The following HECW1 variants were observed in gnomAD, a reference collection of about 807,000 sequenced individuals.
HECW1 encodes the protein E3 ubiquitin-protein ligase HECW1.
In HECW1, 61 loss-of-function variants were observed where a neutral mutation model predicts 182.3. The ratio of observed to expected loss-of-function variants is 0.33; its 90% CI spans 0.27 to 0.41. HECW1 has a LOEUF of 0.41. Among genes scored for constraint, HECW1 ranks in the 10% least tolerant of loss-of-function variants. HECW1 has a pLI of 1.00. For synonymous variants in HECW1, 859 were observed against 832.6 expected (o/e 1.03, Z -0.55); for missense variants, 1,739 against 2,108.9 (o/e 0.82, Z 3.44).
chr7:43,127,915 G>C (rs1186497571), intron 2 of HECW1, among the ~76,000 whole-genome samples: 1 of 151,062 alleles, frequency 6.6e-6, no homozygotes, highest in Non-Finnish European at 1.5e-5. Context: ...GTCTTGCTCT[G>C]TCACTCAGAC....
intron 3 of HECW1, among the ~76,000 whole-genome samples, chr7:43,301,028 A>G (rs1013957525): frequency 3.9e-5 from 6 of 152,166 alleles, no homozygotes; most frequent in African/African-American, 1.2e-4. Context: ...TGGGCTCCCC[A>G]AGACACAGCA....
chr7:43,295,036 AAC>A (rs1805867081), intron 3 of HECW1, among the ~76,000 whole-genome samples: 1 of 152,186 alleles, frequency 6.6e-6, no homozygotes, highest in Non-Finnish European at 1.5e-5. Flanking sequence ...ATAAGAAAAA[AAC>A]AGTTACATTC....
At chr7:43,423,280 A>G (rs1168306070) in intron 8 of HECW1, among the ~76,000 whole-genome samples, 1 of 152,212 alleles carries the variant, frequency 6.6e-6, no homozygotes, top group African/African-American at 2.4e-5. Context: ...ATAGACAACC[A>G]TCATCTAAGT....
chr7:43,305,887 A>C (rs1323086958), intron 3 of HECW1, among the ~76,000 whole-genome samples: 1 of 152,044 alleles, frequency 6.6e-6, no homozygotes, highest in Non-Finnish European at 1.5e-5. Context: ...CAGCCTCCCA[A>C]GTAGCTGGGA....
chr7:43,558,121 A>G (rs2082091971), intron 29 of HECW1, among the ~76,000 whole-genome samples: 1 of 152,172 alleles, frequency 6.6e-6, no homozygotes, highest in Admixed American at 6.5e-5. Flanking sequence ...GCATCTGGAA[A>G]GAGCTTAAGG....
chr7:43,543,781 CAAAAAAA>C (rs35618213), intron 26 of HECW1, among the ~76,000 whole-genome samples: 4 of 49,606 alleles, frequency 8.1e-5, no homozygotes, highest in Non-Finnish European at 1.8e-4. Context: ...CTCCATCTCA[CAAAAAAA>C]AAAAAAAAAA....
At chr7:43,345,310 T>C (rs1584559070) in intron 5 of HECW1, among the ~76,000 whole-genome samples, 1 of 152,228 alleles carries the variant, frequency 6.6e-6, no homozygotes, top group South Asian at 2.1e-4. Context: ...AGCAGGGACA[T>C]GGAGGCACTC....
intron 3 of HECW1, among the ~76,000 whole-genome samples, chr7:43,244,264 A>T (rs1483776635): frequency 6.6e-6 from 1 of 152,214 alleles, no homozygotes; most frequent in Non-Finnish European, 1.5e-5. Context: ...TCCGCTGTCT[A>T]TGGGTAATTG....
At chr7:43,555,187 A>G (rs2081977913) in intron 29 of HECW1, among the ~76,000 whole-genome samples, 1 of 152,200 alleles carries the variant, frequency 6.6e-6, no homozygotes, top group Non-Finnish European at 1.5e-5. Flanking sequence ...ATCACTTGAT[A>G]CTTCATAGGA....
chr7:43,460,425 T>C (rs1182294988), intron 13 of HECW1, among the ~76,000 whole-genome samples: 1 of 152,164 alleles, frequency 6.6e-6, no homozygotes, highest in Non-Finnish European at 1.5e-5. Context: ...ATGTGAATTG[T>C]CTGTTCTTGG....
In HECW1 at chr7:43,300,574, G is replaced by A. The variant is rs185563560; in HGVS notation, c.28-11189G>A. Among the ~76,000 whole-genome samples the A allele has an allele frequency of 2.0e-3, 308 of 152,224 alleles. 3 individuals carry two copies. Among genetic ancestry groups the A allele is most frequent in the African/African-American group, 6.8e-3 (284 of 41,536 alleles). ...GAGAGATGACTTTATATTGCTAACGGCCATGCCTGCTTCACTCTTCATCAT... is the reference window on the plus strand; with the variant it reads ...GAGAGATGACTTTATATTGCTAACGACCATGCCTGCTTCACTCTTCATCAT... On this transcript the variant is annotated intron_variant, in intron 3 of 29. Coordinates refer to ENST00000395891, the MANE Select transcript of HECW1 (RefSeq NM_015052.5).
chr7:43,353,475 C>A (rs569195080), intron 5 of HECW1, among the ~76,000 whole-genome samples: 1 of 152,056 alleles, frequency 6.6e-6, no homozygotes, highest in Non-Finnish European at 1.5e-5. Context: ...CACTTCCCCC[C>A]ACAGAAAATT....
intron 2 of HECW1, among the ~76,000 whole-genome samples, chr7:43,235,020 C>T (rs769238079): frequency 5.3e-5 from 8 of 152,202 alleles, no homozygotes; most frequent in Non-Finnish European, 1.0e-4. Flanking sequence ...CCAGCAAATC[C>T]GGCCAATCCC....
intron 6 of HECW1, among the ~76,000 whole-genome samples, chr7:43,362,311 G>A (rs1015472014): frequency 3.3e-5 from 5 of 152,162 alleles, no homozygotes; most frequent in African/African-American, 1.2e-4. Flanking sequence ...AAGCAGGCCC[G>A]AGGCCCAAAG....
intron 6 of HECW1, among the ~76,000 whole-genome samples, chr7:43,385,096 A>G (rs2074713871): frequency 6.6e-6 from 1 of 151,654 alleles, no homozygotes; most frequent in African/African-American, 2.4e-5. Context: ...CCTGAATTCA[A>G]AGAAACGGGT....
chr7:43,303,696 A>G (rs1807158499), intron 3 of HECW1, among the ~76,000 whole-genome samples: 1 of 152,182 alleles, frequency 6.6e-6, no homozygotes, highest in Non-Finnish European at 1.5e-5. Context: ...AAGCTTTTTT[A>G]GCACATGGCT....
intron 28 of HECW1, among the ~76,000 whole-genome samples, chr7:43,554,175 G>A (rs1017597121): frequency 1.3e-5 from 2 of 152,198 alleles, no homozygotes; most frequent in Non-Finnish European, 2.9e-5. Context: ...AGACTCTCCC[G>A]TGGTATGTGG....
At chr7:43,310,152 A>G (rs1207914338) in intron 3 of HECW1, among the ~76,000 whole-genome samples, 2 of 152,198 alleles carry the variant, frequency 1.3e-5, no homozygotes, top group South Asian at 2.1e-4. Context: ...TGGGAACTAA[A>G]CAAACCTTGT....
In HECW1 at chr7:43,188,895, C is replaced by T. The variant is rs763025628; in HGVS notation, c.-31-54980C>T. ...TTAGAAACAATTCATGAAAAGTCATCGGGGAATATCAATTACAATTATAGG... is the reference window on the plus strand; with the variant it reads ...TTAGAAACAATTCATGAAAAGTCATTGGGGAATATCAATTACAATTATAGG... On this transcript the variant is annotated intron_variant, in intron 2 of 29. Transcript: ENST00000395891. 2.2e-4 allele frequency among the ~76,000 whole-genome samples: 33 copies of T among 152,154 alleles called. 1 individual carries two copies. Among genetic ancestry groups the T allele is most frequent in the Non-Finnish European group, 1.8e-4 (12 of 68,018 alleles).
Sources: allele counts gnomAD v4.1 joint callset (sites outside exome capture counted in the v4.1 genomes callset), GRCh38; gene constraint gnomAD v4.1.1; transcripts MANE v1.5; gene names NCBI Gene and HGNC (gene_info 2026-07-23, HGNC 2026-07-21).